AHCYL1: variants seen among roughly 807,000 people sequenced by gnomAD.
AHCYL1 encodes adenosylhomocysteinase like 1.
AHCYL1 carries 20 observed loss-of-function variants against 79.3 expected under a neutral mutation model. The ratio of observed to expected loss-of-function variants is 0.25; its 90% CI spans 0.18 to 0.37. AHCYL1 has a LOEUF of 0.37. Ranked by LOEUF, AHCYL1 falls within the 10% of genes least tolerant of loss-of-function variation. The probability of loss-of-function intolerance (pLI) is 1.00; values close to 1 mark genes in which losing one functional copy is unlikely to be tolerated. For synonymous variants in AHCYL1, 223 were observed against 242.2 expected, an observed-to-expected ratio of 0.92 and a Z score of 0.74; for missense variants, 330 against 673.6, an observed-to-expected ratio of 0.49 and a Z score of 5.65.
chr1:110,020,874 A>G, intron 16 of AHCYL1, 23 bp downstream of exon 16: 1 of 1,605,756 alleles, frequency 6.2e-7, no homozygotes, highest in Non-Finnish European at 8.5e-7. Flanking sequence ...GAAGCAAGTG[A>G]AAAGCTCTTT....
chr1:110,002,097 A>T (rs928632582), intron 1 of AHCYL1, among the ~76,000 whole-genome samples: 1 of 152,156 alleles, frequency 6.6e-6, no homozygotes, highest in African/African-American at 2.4e-5. Flanking sequence ...AACTTTTTTT[A>T]AAAAAGGTAA....
Position 109,999,156 on chromosome 1 carries a change from TA to T in AHCYL1, c.121-9865del, listed in dbSNP as rs59438691. Among the ~76,000 whole-genome samples the T allele has an allele frequency of 7.1e-3, 1,031 of 144,806 alleles. 5 individuals carry two copies. The highest frequency in any genetic ancestry group is 0.011 in the Non-Finnish European group (722 of 65,492). 95.0% of individuals were successfully genotyped at this position (144,806 alleles called of 152,430 possible). On this transcript the variant is annotated intron_variant, in intron 1 of 16. Transcript: ENST00000369799. ...TGGTGACAGTGAGACTCTGTCTCTTTAAAAAAAAAAAAAGTATTCAAGGTGT... is the reference window on the plus strand; with the variant it reads ...TGGTGACAGTGAGACTCTGTCTCTTTAAAAAAAAAAAAGTATTCAAGGTGT...
At chr1:110,009,627 G>A (rs1171145652) in intron 2 of AHCYL1, among the ~76,000 whole-genome samples, 1 of 152,084 alleles carries the variant, frequency 6.6e-6, no homozygotes, top group African/African-American at 2.4e-5. Context: ...CTTTCTGTTG[G>A]AATATCCTCC....
At chr1:109,997,303 A>G (rs1273162104) in intron 1 of AHCYL1, among the ~76,000 whole-genome samples, 1 of 152,210 alleles carries the variant, frequency 6.6e-6, no homozygotes, top group East Asian at 1.9e-4. Context: ...TTCTGGCTTC[A>G]AAAACACAGA....
At position 110,022,433 on chromosome 1, in the gene AHCYL1, A is replaced by G. The variant is rs1651864074; in HGVS notation, c.*753A>G. On this transcript the variant is annotated 3_prime_UTR_variant, in exon 17 of 17. Transcript: ENST00000369799. ...GAATTTTTGGTGTTAATGCTGAGGA[A>G]TTGCTTGAGTGGTTAGTTGTTACCA... 6.6e-6 allele frequency: 1 copy of G among 152,320 alleles called. No homozygotes were observed. The highest frequency in any genetic ancestry group is 1.5e-5 in the Non-Finnish European group (1 of 68,040). The allele number at this position is 152,320 out of a possible 1,614,324, so 9.4% of individuals were successfully genotyped here.
At position 110,004,200 on chromosome 1, in the gene AHCYL1, G is replaced by A. The variant is rs1650499912; in HGVS notation, c.121-4834G>A. On this transcript the variant is annotated intron_variant, in intron 1 of 16. Transcript: ENST00000369799. ...CCTGTTACTGTTGAGACACAGAGGC[G>A]GGAGTCGGCGGGGGAAGATATGTGC... 5 of 985,612 alleles carry A rather than the reference G, an allele frequency of 5.1e-6. No homozygotes were observed. The South Asian group carries it at 1.9e-4, about 37-fold the overall frequency. The allele number at this position is 985,612 out of a possible 1,614,324, so 61.1% of individuals were successfully genotyped here.
At chr1:109,993,630 T>A (rs1486732452) in intron 1 of AHCYL1, among the ~76,000 whole-genome samples, 2 of 152,184 alleles carry the variant, frequency 1.3e-5, no homozygotes, top group Non-Finnish European at 2.9e-5. Context: ...TGATGAGAAT[T>A]TCCAACTTAA....
rs576620584 is a variant in AHCYL1, at chr1:110,022,042, G to A, written c.*362G>A. The A allele has an allele frequency of 2.2e-4, 42 of 189,826 alleles. No homozygotes were observed. Among genetic ancestry groups the A allele is most frequent in the Non-Finnish European group, 2.9e-4 (27 of 93,070 alleles). The allele number at this position is 189,826 out of a possible 1,614,324, so 11.8% of individuals were successfully genotyped here. A position where few individuals can be genotyped will look rare whatever the true frequency, so the allele number is the denominator to read the frequency against. ...TGGAACAATCTGCAATGTCTAAATC[G>A]CCTTAAAAGAGCCCATTTCTTAGCT... On this transcript the variant is annotated 3_prime_UTR_variant, in exon 17 of 17. Coordinates refer to ENST00000369799, the MANE Select transcript of AHCYL1 (RefSeq NM_006621.7).
chr1:110,004,507 C>CT (rs936539764), intron 1 of AHCYL1: 839 of 861,860 alleles, frequency 9.7e-4, no homozygotes, highest in Non-Finnish European at 1.0e-3. Flanking sequence ...TTGGGAAACA[C>CT]TTTTTTTTTT....
Position 109,994,302 on chromosome 1 carries a change from G to A in AHCYL1, c.120+9130G>A, listed in dbSNP as rs145558724. 4.9e-3 allele frequency among the ~76,000 whole-genome samples: 753 copies of A among 152,152 alleles called. 6 individuals carry two copies. The highest frequency in any genetic ancestry group is 0.017 in the African/African-American group (715 of 41,512). On this transcript the variant is annotated intron_variant, in intron 1 of 16. Coordinates refer to ENST00000369799, the MANE Select transcript of AHCYL1 (RefSeq NM_006621.7). ...TTTGAGATGGATTTTTGCTCTTGTCGCCCAGGCTGGAGTGTGATGGCACGA... is the reference window on the plus strand; with the variant it reads ...TTTGAGATGGATTTTTGCTCTTGTCACCCAGGCTGGAGTGTGATGGCACGA...
At chr1:109,987,320 C>T (rs1055041250) in intron 1 of AHCYL1, among the ~76,000 whole-genome samples, 8 of 152,056 alleles carry the variant, frequency 5.3e-5, no homozygotes, top group Admixed American at 2.6e-4. Context: ...GTGTTGATAA[C>T]GTGAAAGCAT....
At chr1:110,005,728 T>C (rs1156943775) in intron 1 of AHCYL1, among the ~76,000 whole-genome samples, 1 of 151,926 alleles carries the variant, frequency 6.6e-6, no homozygotes, top group Admixed American at 6.6e-5. Flanking sequence ...ATAGGATGTG[T>C]GTTTATGAAA....
intron 15 of AHCYL1, among the ~76,000 whole-genome samples, chr1:110,019,986 A>G (rs1178975042): frequency 6.6e-6 from 1 of 152,138 alleles, no homozygotes; most frequent in Non-Finnish European, 1.5e-5. Context: ...CACAGGTTTT[A>G]TTGTCCATTT....
chr1:109,991,368 C>T (rs1378739297), intron 1 of AHCYL1, among the ~76,000 whole-genome samples: 2 of 152,220 alleles, frequency 1.3e-5, no homozygotes, highest in Non-Finnish European at 2.9e-5. Flanking sequence ...GCCCCAACGC[C>T]TCCGCTGATG....
rs571795913 is a variant in AHCYL1 at position 110,007,509 on chromosome 1, G to C, written c.121-1525G>C. 7.9e-5 allele frequency among the ~76,000 whole-genome samples: 12 copies of C among 152,236 alleles called. No homozygotes were observed. The South Asian group carries it at 2.3e-3, about 29-fold the overall frequency. On this transcript the variant is annotated intron_variant, in intron 1 of 16. Transcript: ENST00000369799. ...TTAGCTGCTTGTGCCTAGGCTGCCCGCTTAAACCTGATTGCTGCACTGCAA... is the reference window on the plus strand; with the variant it reads ...TTAGCTGCTTGTGCCTAGGCTGCCCCCTTAAACCTGATTGCTGCACTGCAA...
Position 110,019,639 on chromosome 1 carries a change from C to T in AHCYL1, c.1465+13C>T, listed in dbSNP as rs1651661847. Reference sequence around the variant, plus strand: ...CCTAAGAAAATGGGTGAGTGAAAAACAGTGGAAATCTATGCAGACAGCTGC... The same window carrying T: ...CCTAAGAAAATGGGTGAGTGAAAAATAGTGGAAATCTATGCAGACAGCTGC... On this transcript the variant is annotated intron_variant, in intron 15 of 16. Coordinates refer to ENST00000369799, the MANE Select transcript of AHCYL1 (RefSeq NM_006621.7). 6.2e-7 allele frequency: 1 copy of T among 1,606,828 alleles called. No homozygotes were observed. Among genetic ancestry groups the T allele is most frequent in the African/African-American group, 1.3e-5 (1 of 74,548 alleles).
chr1:109,985,128 G>A lies in AHCYL1; in HGVS notation c.76G>A (p.Glu26Lys). Residue 26 changes from glutamate to lysine, a missense_variant, in exon 1 of 17, where the codon GAG becomes AAG. Around this residue, in one of 6 missense-constraint regions of AHCYL1, gnomAD observed 66 missense variants for 68.0 expected, o/e 0.97. Transcript: ENST00000369799. Reference sequence around the variant, plus strand: ...GCAGGCCAAGGAGATCGAGGACGCCGAGAAGTACTCCTTCATGGCCACCGT... The same window carrying A: ...GCAGGCCAAGGAGATCGAGGACGCCAAGAAGTACTCCTTCATGGCCACCGT... Reference protein sequence around the residue: ...LKQAKEIEDAEKYSFMATVTK... With the variant: ...LKQAKEIEDAKKYSFMATVTK... 5 of 1,611,496 alleles carry A rather than the reference G, an allele frequency of 3.1e-6. No individual in the cohort carries two copies. Among genetic ancestry groups the A allele is most frequent in the Non-Finnish European group, 3.4e-6 (4 of 1,179,200 alleles).
intron 1 of AHCYL1, among the ~76,000 whole-genome samples, chr1:109,991,953 T>C (rs1401363765): frequency 6.6e-6 from 1 of 152,160 alleles, no homozygotes; most frequent in African/African-American, 2.4e-5. Context: ...GGGACATAGG[T>C]TTCCATATGC....
In AHCYL1 at chr1:110,021,882, G is replaced by A; in HGVS notation, c.*202G>A. 3.7e-6 allele frequency: 2 copies of A among 538,288 alleles called. No homozygotes were observed. The highest frequency in any genetic ancestry group is 6.4e-6 in the Non-Finnish European group (2 of 312,216). The allele number at this position is 538,288 out of a possible 1,614,324, so 33.3% of individuals were successfully genotyped here. A position where few individuals can be genotyped will look rare whatever the true frequency, so the allele number is the denominator to read the frequency against. On this transcript the variant is annotated 3_prime_UTR_variant, in exon 17 of 17. Coordinates refer to ENST00000369799, the MANE Select transcript of AHCYL1 (RefSeq NM_006621.7). The stretch of plus-strand genomic sequence containing the variant: ...GCTCTTTAGATGAAATAGAAGTTCA[G>A]GGTTCCTCACTCTAGTCACTAAAGA...
Sources: allele counts gnomAD v4.1 joint callset (sites outside exome capture counted in the v4.1 genomes callset), GRCh38; gene constraint gnomAD v4.1.1; regional missense constraint gnomAD v4.1.1; transcripts MANE v1.5; gene names NCBI Gene and HGNC (gene_info 2026-07-23, HGNC 2026-07-21).